GNB1: variants seen among roughly 807,000 people sequenced by gnomAD.
The protein encoded by GNB1 is G protein subunit beta 1, also known as guanine nucleotide-binding protein G(I)/G(S)/G(T) subunit beta-1.
In GNB1, 2 loss-of-function variants were observed where a neutral mutation model predicts 42.9. The observed-to-expected ratio is 0.05, with a 90% CI of 0.02 to 0.15. The LOEUF (loss-of-function observed/expected upper bound fraction) is 0.15. Ranked by LOEUF, GNB1 falls within the 10% of genes least tolerant of loss-of-function variation. The pLI, the probability that GNB1 is intolerant of heterozygous loss-of-function variation, is 1.00. For missense variants in GNB1, 193 were observed against 462.2 expected (o/e 0.42, Z 5.34); for synonymous variants, 183 against 174.7 (o/e 1.05, Z -0.38).
chr1:1,809,555 T>C (rs1646747350), intron 5 of GNB1, among the ~76,000 whole-genome samples: 1 of 152,212 alleles, frequency 6.6e-6, no homozygotes. Context: ...CACTCTAGCT[T>C]TATTTCTGCC....
chr1:1,818,305 T>TAAAAAAAAAA (rs70937197), intron 3 of GNB1: 2 of 96,614 alleles, frequency 2.1e-5, no homozygotes, highest in Non-Finnish European at 4.0e-5. Flanking sequence ...AAAGGTCTAT[T>TAAAAAAAAAA]AAAAAAAAAA....
intron 7 of GNB1, 194 bp from the exon 8 acceptor site, chr1:1,793,505 G>A: frequency 4.3e-6 from 2 of 467,338 alleles, no homozygotes; most frequent in Non-Finnish European, 8.0e-6. Flanking sequence ...TGAGAGCCTG[G>A]CCAGGCAGGA....
At position 1,815,779 on chromosome 1, in the gene GNB1, G is replaced by A. The variant is rs1646845526; in HGVS notation, c.180C>T (p.Ala60=). ...ACCTGGAGTCTGTGCCCCAGTGCAT[G>A]GCGTAGATCTTGGCCAGGTGCCCCC... ...TLRGHLAKIY[A]MHWGTDSRLL... The change falls in exon 5 of 12, where the codon GCC becomes GCT. Residue 60 remains alanine, a synonymous_variant. Transcript: ENST00000378609. The A allele has an allele frequency of 1.3e-6, 2 of 1,598,616 alleles. No individual in the cohort carries two copies. The highest frequency in any genetic ancestry group is 2.2e-5 in the East Asian group (1 of 44,824).
At chr1:1,890,172 G>T (rs1650402319) in intron 1 of GNB1, among the ~76,000 whole-genome samples, 1 of 152,150 alleles carries the variant, frequency 6.6e-6, no homozygotes, top group Non-Finnish European at 1.5e-5. Context: ...GAAGGGCGAG[G>T]CCACAGCGCG....
intron 3 of GNB1, among the ~76,000 whole-genome samples, chr1:1,819,276 CTG>C (rs1646898883): frequency 6.6e-6 from 1 of 151,402 alleles, no homozygotes; most frequent in African/African-American, 2.4e-5. Flanking sequence ...GGCGGGAGTG[CTG>C]TGTCGCGATC....
chr1:1,862,045 C>T lies in GNB1; in HGVS notation c.-95-22807G>A, dbSNP rs148964506. Among the ~76,000 whole-genome samples the T allele has an allele frequency of 5.1e-4, 77 of 151,560 alleles. No individual in the cohort carries two copies. The East Asian group carries it at 0.013, about 25-fold the overall frequency. The stretch of plus-strand genomic sequence containing the variant: ...TCGCACCACTGCACGCCAGCCTGGG[C>T]GACAGAGTGAGACTCCATCTCAAAA... On this transcript the variant is annotated intron_variant, in intron 1 of 11. Coordinates refer to ENST00000378609, the MANE Select transcript of GNB1 (RefSeq NM_002074.5).
intron 1 of GNB1, 82 bp downstream of exon 1, chr1:1,890,738 G>A (rs1650457290): frequency 6.7e-6 from 1 of 148,604 alleles, no homozygotes; most frequent in East Asian, 2.0e-4. Flanking sequence ...CGGCGGGTGG[G>A]GTGGGGGCGG....
At chr1:1,867,141 C>A (rs183360234) in intron 1 of GNB1, among the ~76,000 whole-genome samples, 3 of 152,222 alleles carry the variant, frequency 2.0e-5, no homozygotes, top group East Asian at 1.9e-4. Context: ...GTGGTAGGCG[C>A]CTATAATCCC....
In GNB1 at chr1:1,790,881, C is replaced by T. The variant is rs556374692; in HGVS notation, c.498-285G>A. On this transcript the variant is annotated intron_variant, in intron 8 of 11. Coordinates refer to ENST00000378609, the MANE Select transcript of GNB1 (RefSeq NM_002074.5). This position sits in a 1 kb window ranked among gnomAD's most constrained non-coding sequence, Gnocchi z 5.4. ...GCCAGCAAACAGGGAGCTGGGGGCA[C>T]TTTTCAAGCAGCACCACTGAGGCTG... is the stretch of plus-strand genomic sequence containing the variant. Among the ~76,000 whole-genome samples the T allele has an allele frequency of 6.6e-6, 1 of 152,280 alleles. No homozygotes were observed. The highest frequency in any genetic ancestry group is 2.4e-5 in the African/African-American group (1 of 41,558).
At chr1:1,846,795 A>T (rs1647693862) in intron 1 of GNB1, among the ~76,000 whole-genome samples, 1 of 152,134 alleles carries the variant, frequency 6.6e-6, no homozygotes. Context: ...CCTGGTCTCA[A>T]GCAATCCTCC....
intron 2 of GNB1, among the ~76,000 whole-genome samples, chr1:1,834,201 A>G (rs1234465718): frequency 6.6e-6 from 1 of 152,116 alleles, no homozygotes; most frequent in Non-Finnish European, 1.5e-5. Context: ...CAAAGCCCTC[A>G]GAAGGCAATT....
chr1:1,847,242 G>A (rs775452555), intron 1 of GNB1, among the ~76,000 whole-genome samples: 1 of 152,140 alleles, frequency 6.6e-6, no homozygotes, highest in Non-Finnish European at 1.5e-5. Flanking sequence ...GCCTTGAAGG[G>A]GAAGAGATAA....
chr1:1,863,347 T>C (rs1261835940), intron 1 of GNB1, among the ~76,000 whole-genome samples: 1 of 152,110 alleles, frequency 6.6e-6, no homozygotes, highest in Non-Finnish European at 1.5e-5. Flanking sequence ...ACCTGAGTAA[T>C]ATGTGAGATA....
Position 1,862,623 on chromosome 1 carries a change from C to CCT in GNB1, c.-95-23386_-95-23385insAG, listed in dbSNP as rs146719614. Among the ~76,000 whole-genome samples the CCT allele has an allele frequency of 8.4e-3, 1,276 of 151,784 alleles. 22 individuals are homozygous for CCT. The highest frequency in any genetic ancestry group is 0.03 in the African/African-American group (1,224 of 41,396). ...ACTACAAGCCGTGCTCTGATGCCCC[C>CCT]GATTTTTGTAATTTTTGTAGAGACA... On this transcript the variant is annotated intron_variant, in intron 1 of 11. Coordinates refer to ENST00000378609, the MANE Select transcript of GNB1 (RefSeq NM_002074.5).
intron 1 of GNB1, among the ~76,000 whole-genome samples, chr1:1,880,734 C>T (rs1365758755): frequency 2.6e-5 from 4 of 152,160 alleles, no homozygotes; most frequent in African/African-American, 4.8e-5. Flanking sequence ...TCAATCATCA[C>T]CCAAATGTTG....
chr1:1,864,505 C>T (rs1416481443), intron 1 of GNB1, among the ~76,000 whole-genome samples: 1 of 151,966 alleles, frequency 6.6e-6, no homozygotes, highest in Non-Finnish European at 1.5e-5. Context: ...TTCCCTCCGG[C>T]CGACCCATCC....
intron 4 of GNB1, among the ~76,000 whole-genome samples, chr1:1,816,294 T>TGACACCTGCTTCTGCAC (rs1553196172): frequency 6.6e-6 from 1 of 152,190 alleles, no homozygotes; most frequent in Non-Finnish European, 1.5e-5. Context: ...TGGGCCTGCA[T>TGACACCTGCTTCTGCAC]GACACCTGCT....
chr1:1,829,214 G>C (rs962940937), intron 2 of GNB1, among the ~76,000 whole-genome samples: 3 of 151,876 alleles, frequency 2.0e-5, no homozygotes, highest in African/African-American at 7.3e-5. Flanking sequence ...ATGCTACCAC[G>C]CTTGGCTAGT....
chr1:1,863,942 T>C (rs1443604228), intron 1 of GNB1, among the ~76,000 whole-genome samples: 4 of 152,198 alleles, frequency 2.6e-5, no homozygotes, highest in Admixed American at 1.3e-4. Flanking sequence ...CTCACGCCTG[T>C]AATCCTAAAA....
Sources: gnomAD v4.1 joint callset for allele counts (sites outside exome capture counted in the v4.1 genomes callset) on GRCh38, gnomAD v4.1.1 for gene constraint, Gnocchi (gnomAD v3.1) non-coding constraint, MANE v1.5 for transcripts, NCBI Gene and HGNC (gene_info 2026-07-23, HGNC 2026-07-21) for gene names.